Variants in KDM5C observed in about 807,000 individuals in gnomAD.
KDM5C encodes the protein lysine demethylase 5C, also known as lysine-specific demethylase 5C.
A neutral mutation model predicts 110.6 loss-of-function variants in KDM5C; 16 were observed. The observed-to-expected ratio is 0.14, with a 90% confidence interval of 0.10 to 0.22. The LOEUF (loss-of-function observed/expected upper bound fraction) is 0.22, where lower values mean the gene tolerates loss of function less well. KDM5C is among the 10% of genes least tolerant of loss of function. The pLI is 1.00. For missense variants in KDM5C, 681 were observed against 1,300.9 expected (o/e 0.52, Z 7.33); for synonymous variants, 511 against 520.4 (o/e 0.98, Z 0.24).
chrX:53,187,270 G>GA (rs782545309), downstream of KDM5C, among the ~76,000 whole-genome samples: 6 of 110,443 alleles, frequency 5.4e-5, no homozygotes, highest in African/African-American at 2.0e-4. Flanking sequence ...AAGACAAAAT[G>GA]AAAAAAAGCC....
rs2073141153 is a variant in KDM5C, at chrX:53,201,577, C to T, written c.2034G>A (p.Arg678=). 1 of 1,211,780 alleles carries T rather than the reference C, an allele frequency of 8.3e-7. No homozygotes were observed. The highest frequency in any genetic ancestry group is 1.1e-6 in the Non-Finnish European group (1 of 895,494). Residue 678 remains arginine, a synonymous_variant, in exon 14 of 26, where the codon CGG becomes CGA. Transcript: ENST00000375401. ...TCTCCAGCAGGGCCTTTCGTAGACG[C>T]CGCTCTTCTTGCACCATGATGAACA... is the stretch of plus-strand genomic sequence containing the variant. The part of the protein sequence containing the change: ...KEMFIMVQEE[R]RLRKALLEKG...
In KDM5C at chrX:53,192,856, T is replaced by G; in HGVS notation, c.*111A>C. The G allele has an allele frequency of 4.9e-6, 4 of 808,410 alleles. No individual in the cohort carries two copies. Among genetic ancestry groups the G allele is most frequent in the East Asian group, 4.5e-5 (1 of 22,069 alleles). The allele number at this position is 808,410 out of a possible 1,213,427, so 66.6% of individuals were successfully genotyped here. On this transcript the variant is annotated 3_prime_UTR_variant, in exon 26 of 26. Coordinates refer to ENST00000375401, the MANE Select transcript of KDM5C (RefSeq NM_004187.5). ...CTCAGGGGTGGGCGGGTAGCAGGGA[T>G]GGCCACCCCCCTACCCGCCCACCCC...
downstream of KDM5C, among the ~76,000 whole-genome samples, chrX:53,189,961 C>G (rs1934353519): frequency 8.9e-6 from 1 of 112,800 alleles, no homozygotes; most frequent in African/African-American, 3.2e-5. Flanking sequence ...AGTGATGTCT[C>G]TTTCCATCCC....
chrX:53,191,026 A>G (rs1479232606), downstream of KDM5C, among the ~76,000 whole-genome samples: 4 of 111,488 alleles, frequency 3.6e-5, no homozygotes, highest in African/African-American at 1.3e-4. Flanking sequence ...TCCTCGTATC[A>G]TGGGCAGACT....
In KDM5C at chrX:53,217,249, T is replaced by C. The variant is rs781829711; in HGVS notation, c.551A>G (p.Glu184Gly). ...GGGTTTGTATTCCTTGTCCTTCTCCTCATTATCAAATGGACGTGTGTTACA... is the reference window on the plus strand; with the variant it reads ...GGGTTTGTATTCCTTGTCCTTCTCCCCATTATCAAATGGACGTGTGTTACA... Reference protein sequence around the residue: ...VQCNTRPFDNEEKDKEYKPHS... With the variant: ...VQCNTRPFDNGEKDKEYKPHS... The change falls in exon 5 of 26, where the codon GAG (glutamate) becomes GGG (glycine). Residue 184 changes from glutamate to glycine, a missense_variant. Transcript: ENST00000375401. 8.3e-7 allele frequency: 1 copy of C among 1,211,225 alleles called. No homozygotes were observed. Among genetic ancestry groups the C allele is most frequent in the East Asian group, 3.0e-5 (1 of 33,838 alleles).
chrX:53,205,192 G>C (rs1556844619), intron 12 of KDM5C, among the ~76,000 whole-genome samples: 1 of 112,005 alleles, frequency 8.9e-6, no homozygotes, highest in Non-Finnish European at 1.9e-5. Context: ...AGTAGGTACA[G>C]TGCCGGTAAG....
At position 53,192,861 on chromosome X, in the gene KDM5C, A is replaced by ACCCCGCCCCGC; in HGVS notation, c.*105_*106insGCGGGGCGGGG. The ACCCCGCCCCGC allele has an allele frequency of 2.0e-6, 1 of 502,015 alleles. No homozygotes were observed. Among genetic ancestry groups the ACCCCGCCCCGC allele is most frequent in the Non-Finnish European group, 2.9e-6 (1 of 347,657 alleles). The allele number at this position is 502,015 out of a possible 1,213,427, so 41.4% of individuals were successfully genotyped here. A position where few individuals can be genotyped will look rare whatever the true frequency, so the allele number is the denominator to read the frequency against. ...GGGTGGGCGGGTAGCAGGGATGGCC[A>ACCCCGCCCCGC]CCCCCCTACCCGCCCACCCCCCAAG... On this transcript the variant is annotated 3_prime_UTR_variant, in exon 26 of 26. Coordinates refer to ENST00000375401, the MANE Select transcript of KDM5C (RefSeq NM_004187.5).
chrX:53,223,798 T>C (rs1025253208), intron 1 of KDM5C, among the ~76,000 whole-genome samples: 1 of 111,351 alleles, frequency 9.0e-6, no homozygotes, highest in Non-Finnish European at 1.9e-5. Context: ...GAGTGCCCTA[T>C]CCTCTGGGAT....
At chrX:53,188,799 T>C (rs1264200862), downstream of KDM5C, among the ~76,000 whole-genome samples, 1 of 111,989 alleles carries the variant, frequency 8.9e-6, no homozygotes, top group Non-Finnish European at 1.9e-5. Context: ...CTCTAGCTCA[T>C]CTTACTTGTT....
At chrX:53,223,057 T>C (rs1556855390) in intron 1 of KDM5C, among the ~76,000 whole-genome samples, 1 of 111,823 alleles carries the variant, frequency 8.9e-6, no homozygotes, top group African/African-American at 3.3e-5. Flanking sequence ...TGTTGAGCAG[T>C]GAAAAGGACG....
Position 53,193,257 on chromosome X carries a change from G to A in KDM5C, c.4393C>T (p.Arg1465Trp), listed in dbSNP as rs781851693. 3.3e-6 allele frequency: 4 copies of A among 1,209,149 alleles called. No homozygotes were observed. Among genetic ancestry groups the A allele is most frequent in the Non-Finnish European group, 4.5e-6 (4 of 895,284 alleles). ...GCTGGGTCATCGCCCTCCCCACCCC[G>A]ATCCACCTTCCGCCGCCGCCGCCTC... is the stretch of plus-strand genomic sequence containing the variant. Reference protein sequence around the residue: ...LERRRRRKVDRGGEGDDPARE... With the variant: ...LERRRRRKVDWGGEGDDPARE... The change falls in exon 26 of 26, where the codon CGG becomes TGG. Residue 1465 changes from arginine to tryptophan, a missense_variant. By Grantham distance (101) the Arg-to-Trp change is moderately radical (BLOSUM62 -3). This residue lies in a region of KDM5C where 115 missense variants were observed against 120.9 expected (regional missense o/e 0.95). Coordinates refer to ENST00000375401, the MANE Select transcript of KDM5C (RefSeq NM_004187.5).
chrX:53,184,552 T>C (rs1556827440), intron 25 of KDM5C, among the ~76,000 whole-genome samples: 3 of 112,036 alleles, frequency 2.7e-5, no homozygotes, highest in African/African-American at 9.7e-5. Context: ...TGAAATGCCT[T>C]TTCTGCATCA....
At chrX:53,210,030 G>C (rs782568162) in intron 12 of KDM5C, among the ~76,000 whole-genome samples, 143 of 112,217 alleles carry the variant, frequency 1.3e-3, no homozygotes, top group African/African-American at 4.5e-3. Context: ...ACATTTCCCA[G>C]TTTTCCCTGC....
intron 12 of KDM5C, among the ~76,000 whole-genome samples, chrX:53,206,629 C>T (rs890876001): frequency 9.1e-6 from 1 of 110,017 alleles, no homozygotes; most frequent in Non-Finnish European, 1.9e-5. Context: ...TTTGAGAGAC[C>T]GAGGCGGGCA....
chrX:53,190,042 G>T (rs990882658), downstream of KDM5C, among the ~76,000 whole-genome samples: 1 of 112,473 alleles, frequency 8.9e-6, no homozygotes, highest in East Asian at 2.8e-4. Flanking sequence ...GCAGCTAGGT[G>T]ATATCTCTAT....
At chrX:53,197,500 C>G (rs1298570869) in intron 18 of KDM5C, among the ~76,000 whole-genome samples, 1 of 109,887 alleles carries the variant, frequency 9.1e-6, no homozygotes, top group Non-Finnish European at 1.9e-5. Context: ...CCAACAAGCA[C>G]CCCTGTTACC....
At chrX:53,198,287 G>A (rs2073025626) in intron 17 of KDM5C, among the ~76,000 whole-genome samples, 2 of 111,971 alleles carry the variant, frequency 1.8e-5, no homozygotes, top group South Asian at 3.7e-4. Flanking sequence ...TCTTATCACA[G>A]AGGCTCTCCT....
intron 10 of KDM5C, among the ~76,000 whole-genome samples, chrX:53,211,083 C>G (rs2073542761): frequency 9.0e-6 from 1 of 111,524 alleles, no homozygotes; most frequent in African/African-American, 3.3e-5. Flanking sequence ...ATATATCCAC[C>G]TACCAAAATA....
In KDM5C at chrX:53,197,240, C is replaced by A. The variant is rs182709098; in HGVS notation, c.2623-196G>T. The stretch of plus-strand genomic sequence containing the variant: ...TAACACTGACTGCTCATTAGAATGC[C>A]CTGGGGAATTTAAGAATGCAGATTC... On this transcript the variant is annotated intron_variant, in intron 18 of 25. Transcript: ENST00000375401. 8.1e-5 allele frequency among the ~76,000 whole-genome samples: 9 copies of A among 111,745 alleles called. No homozygotes were observed. In the East Asian group the frequency reaches 2.3e-3, roughly 28 times the overall value.
Sources: allele counts gnomAD v4.1 joint callset (sites outside exome capture counted in the v4.1 genomes callset), GRCh38; gene constraint gnomAD v4.1.1; regional missense constraint gnomAD v4.1.1; transcripts MANE v1.5; gene names NCBI Gene and HGNC (gene_info 2026-07-23, HGNC 2026-07-21).